Variants in OXR1 observed in about 807,000 individuals in gnomAD.
The protein encoded by OXR1 is oxidation resistance 1, also known as oxidation resistance protein 1.
OXR1 carries 41 observed loss-of-function variants against 104.6 expected under a neutral mutation model. That is an observed-to-expected ratio of 0.39 (90% CI 0.31 to 0.51). The LOEUF (loss-of-function observed/expected upper bound fraction) is 0.51, where lower values mean the gene tolerates loss of function less well. Among genes scored for constraint, OXR1 ranks in the 20% least tolerant of loss-of-function variants. The probability of loss-of-function intolerance (pLI) is 0.77; values close to 1 mark genes in which losing one functional copy is unlikely to be tolerated. For missense variants in OXR1, 955 were observed against 1,031.9 expected (o/e 0.93, Z 1.02); for synonymous variants, 348 against 348.4 (o/e 1.00, Z 0.01).
intron 3 of OXR1, among the ~76,000 whole-genome samples, chr8:106,579,901 C>T (rs1818112488): frequency 6.6e-6 from 1 of 150,692 alleles, no homozygotes. Context: ...ATGCTTTTAT[C>T]ATCCTAGGCT....
intron 1 of OXR1, among the ~76,000 whole-genome samples, chr8:106,278,807 A>C (rs1319022695): frequency 6.6e-6 from 1 of 152,226 alleles, no homozygotes; most frequent in South Asian, 2.1e-4. Context: ...AAATAAATGT[A>C]AGTGCCTTAT....
intron 2 of OXR1, among the ~76,000 whole-genome samples, chr8:106,518,014 T>C (rs1453742145): frequency 2.0e-5 from 3 of 152,176 alleles, no homozygotes; most frequent in Non-Finnish European, 4.4e-5. Context: ...GCTTCCCAGA[T>C]GTCACGTTGA....
chr8:106,649,694 A>AATAT (rs58775435), intron 3 of OXR1, among the ~76,000 whole-genome samples: 40 of 148,732 alleles, frequency 2.7e-4, no homozygotes, highest in African/African-American at 7.9e-4. Context: ...ATCTGTCAAA[A>AATAT]ATATATATAT....
intron 1 of OXR1, among the ~76,000 whole-genome samples, chr8:106,312,378 C>T (rs932954020): frequency 3.3e-5 from 5 of 152,214 alleles, no homozygotes; most frequent in Non-Finnish European, 5.9e-5. Context: ...TGGTGGCTGG[C>T]TTCCGCCAGA....
At chr8:106,679,556 T>C (rs1243215135) in intron 4 of OXR1, among the ~76,000 whole-genome samples, 1 of 152,040 alleles carries the variant, frequency 6.6e-6, no homozygotes, top group African/African-American at 2.4e-5. Flanking sequence ...GGGCCAATAA[T>C]TTTTATTAGG....
chr8:106,364,049 T>G (rs7833003), intron 2 of OXR1, among the ~76,000 whole-genome samples: 59,992 of 151,906 alleles, frequency 0.39, 11,964 homozygotes, highest in South Asian at 0.47. Flanking sequence ...TACTGCAGTT[T>G]GTTAGTAGAA....
intron 2 of OXR1, among the ~76,000 whole-genome samples, chr8:106,488,627 C>T (rs1304349750): frequency 1.3e-5 from 2 of 150,190 alleles, no homozygotes; most frequent in South Asian, 2.1e-4. Flanking sequence ...GATCCAGTTT[C>T]AGCTTTCTAC....
At chr8:106,673,939 C>T (rs1666459969) in intron 3 of OXR1, among the ~76,000 whole-genome samples, 1 of 152,224 alleles carries the variant, frequency 6.6e-6, no homozygotes, top group African/African-American at 2.4e-5. Flanking sequence ...ACCTGGATGT[C>T]CAGACAGAAG....
intron 11 of OXR1, among the ~76,000 whole-genome samples, chr8:106,724,294 A>G (rs1427968220): frequency 6.6e-6 from 1 of 152,196 alleles, no homozygotes; most frequent in Non-Finnish European, 1.5e-5. Flanking sequence ...TTTATATCCC[A>G]TCATGTTATA....
chr8:106,304,624 A>G (rs1813399994), intron 1 of OXR1, among the ~76,000 whole-genome samples: 1 of 152,178 alleles, frequency 6.6e-6, no homozygotes, highest in South Asian at 2.1e-4. Context: ...TTCAATTTGT[A>G]AGGAATACAA....
chr8:106,539,282 CAT>C (rs969680840), intron 3 of OXR1, among the ~76,000 whole-genome samples: 9 of 152,186 alleles, frequency 5.9e-5, no homozygotes, highest in Non-Finnish European at 1.0e-4. Flanking sequence ...TTTTACTTCT[CAT>C]GTGTATATCT....
intron 2 of OXR1, among the ~76,000 whole-genome samples, chr8:106,504,803 A>C (rs1277887422): frequency 6.6e-6 from 1 of 152,184 alleles, no homozygotes; most frequent in African/African-American, 2.4e-5. Context: ...TCAGTCATGC[A>C]ATTAGAAGTA....
chr8:106,672,026 A>G (rs1587031029), intron 3 of OXR1, among the ~76,000 whole-genome samples: 1 of 149,674 alleles, frequency 6.7e-6, no homozygotes, highest in African/African-American at 2.4e-5. Flanking sequence ...AGGAGTCAGT[A>G]ATTCAGACTT....
chr8:106,477,130 C>T (rs546892295), intron 2 of OXR1, among the ~76,000 whole-genome samples: 2 of 151,994 alleles, frequency 1.3e-5, no homozygotes, highest in African/African-American at 4.8e-5. Context: ...TTCTCTGCTT[C>T]TTGGGAGCAC....
chr8:106,516,058 A>T (rs569914992), intron 2 of OXR1, among the ~76,000 whole-genome samples: 2 of 152,054 alleles, frequency 1.3e-5, no homozygotes, highest in African/African-American at 4.8e-5. Flanking sequence ...CATCTTGTTT[A>T]ACTTCATCTC....
chr8:106,697,580 A>G lies in OXR1; in HGVS notation c.675+4703A>G, dbSNP rs1830169791. ...TTAGGGAACCAGTTGGGATCCCCAG[A>G]GAAGAGCCCATCATCCCAGGCTACT... is the stretch of plus-strand genomic sequence containing the variant. On this transcript the variant is annotated intron_variant, in intron 7 of 16. Coordinates refer to ENST00000517566, the MANE Select transcript of OXR1 (RefSeq NM_001198533.2). 16 of 1,610,758 alleles carry G rather than the reference A, an allele frequency of 9.9e-6. No homozygotes were observed. In the South Asian group the frequency reaches 1.6e-4, roughly 17 times the overall value.
chr8:106,638,289 T>C lies in OXR1; in HGVS notation c.221-40921T>C, dbSNP rs115043342. ...AAATTCTAATTAATCTTTCAAGTCA[T>C]TGATAAATCGTCACCTTCACCAAGA... On this transcript the variant is annotated intron_variant, in intron 3 of 16. Transcript: ENST00000517566. Among the ~76,000 whole-genome samples the C allele has an allele frequency of 2.3e-3, 356 of 152,308 alleles. 1 individual carries two copies. The highest frequency in any genetic ancestry group is 8.2e-3 in the African/African-American group (339 of 41,580).
At chr8:106,621,891 A>G (rs1821734494) in intron 3 of OXR1, among the ~76,000 whole-genome samples, 1 of 152,170 alleles carries the variant, frequency 6.6e-6, no homozygotes, top group Non-Finnish European at 1.5e-5. Context: ...ACATTTAGTC[A>G]TATACTGGGG....
intron 1 of OXR1, among the ~76,000 whole-genome samples, chr8:106,319,492 G>A (rs1028488791): frequency 2.6e-5 from 4 of 152,186 alleles, no homozygotes; most frequent in Non-Finnish European, 4.4e-5. Flanking sequence ...AAGGCATATT[G>A]AGGTAGAGCA....
Sources: gnomAD v4.1 joint callset for allele counts (sites outside exome capture counted in the v4.1 genomes callset) on GRCh38, gnomAD v4.1.1 for gene constraint, MANE v1.5 for transcripts, NCBI Gene and HGNC (gene_info 2026-07-23, HGNC 2026-07-21) for gene names.